Variants in MMP20 observed in about 807,000 individuals in gnomAD.
MMP20 encodes matrix metallopeptidase 20.
MMP20 carries 50 observed loss-of-function variants against 51.8 expected under a neutral mutation model. That is an observed-to-expected ratio of 0.97 (90% confidence interval 0.77 to 1.22). The LOEUF (loss-of-function observed/expected upper bound fraction) is 1.22, where lower values mean the gene tolerates loss of function less well. Ranked by LOEUF, MMP20 falls within the 50% of genes most tolerant of loss-of-function variation. MMP20 has a pLI of 0.00. For synonymous variants in MMP20, 244 were observed against 216.2 expected (o/e 1.13, Z -1.13); for missense variants, 663 against 601.4 (o/e 1.10, Z -1.07).
At chr11:102,610,336 A>G (rs571742768) in intron 3 of MMP20, among the ~76,000 whole-genome samples, 271 of 143,448 alleles carry the variant, frequency 1.9e-3, no homozygotes, top group Middle Eastern at 0.014. Flanking sequence ...CATGTGCCAC[A>G]GATTACAAAA....
intron 1 of MMP20, among the ~76,000 whole-genome samples, chr11:102,622,052 A>G (rs147581905): frequency 2.6e-5 from 4 of 152,358 alleles, no homozygotes; most frequent in African/African-American, 7.2e-5. Flanking sequence ...GGATTATGAG[A>G]ATAGGTAAGC....
At chr11:102,586,380 G>A (rs1009852692) in intron 8 of MMP20, among the ~76,000 whole-genome samples, 2 of 151,990 alleles carry the variant, frequency 1.3e-5, no homozygotes, top group African/African-American at 4.8e-5. Context: ...TTACTAGATT[G>A]TGTCTTCTTA....
At chr11:102,585,009 C>G (rs541917768) in intron 8 of MMP20, among the ~76,000 whole-genome samples, 7 of 152,222 alleles carry the variant, frequency 4.6e-5, no homozygotes, top group South Asian at 4.1e-4. Context: ...ATATCACAGT[C>G]TTAGTTACTG....
chr11:102,587,601 T>C (rs775760042), intron 8 of MMP20, among the ~76,000 whole-genome samples: 2 of 152,216 alleles, frequency 1.3e-5, no homozygotes, highest in Non-Finnish European at 2.9e-5. Flanking sequence ...TTTCTGTCAA[T>C]TACTGCTTCA....
At chr11:102,611,033 A>G (rs996658513) in intron 3 of MMP20, among the ~76,000 whole-genome samples, 4 of 152,264 alleles carry the variant, frequency 2.6e-5, no homozygotes, top group Non-Finnish European at 5.9e-5. Flanking sequence ...GGAATAGGAC[A>G]TAACCTGGGC....
chr11:102,589,908 C>T (rs923438138), intron 8 of MMP20, among the ~76,000 whole-genome samples: 48 of 152,122 alleles, frequency 3.2e-4, no homozygotes, highest in African/African-American at 1.1e-3. Context: ...ACATCTATTT[C>T]TAGTATTTCT....
At chr11:102,593,015 C>G (rs1012861637) in intron 8 of MMP20, among the ~76,000 whole-genome samples, 2 of 152,176 alleles carry the variant, frequency 1.3e-5, no homozygotes, top group Admixed American at 1.3e-4. Flanking sequence ...CAGAACTATC[C>G]TTCAAAGAGA....
At chr11:102,592,065 A>G (rs1859323632) in intron 8 of MMP20, among the ~76,000 whole-genome samples, 1 of 152,226 alleles carries the variant, frequency 6.6e-6, no homozygotes, top group South Asian at 2.1e-4. Context: ...ACGTGCTTAC[A>G]CATGCATCTC....
rs115279581 is a variant in MMP20, at chr11:102,619,532, C to T, written c.127-2473G>A. ...GCCAGTGGTGGGTTACCAAAAACTC[C>T]GTAATCAAGATAAATCATAATTTAA... On this transcript the variant is annotated intron_variant, in intron 1 of 9. Transcript: ENST00000260228. Among the ~76,000 whole-genome samples, 1,019 of 151,270 alleles carry T rather than the reference C, an allele frequency of 6.7e-3. 14 individuals are homozygous for T. The highest frequency in any genetic ancestry group is 0.024 in the African/African-American group (970 of 41,182).
chr11:102,606,149 C>G (rs1415551146), intron 6 of MMP20, among the ~76,000 whole-genome samples: 1 of 152,198 alleles, frequency 6.6e-6, no homozygotes, highest in Non-Finnish European at 1.5e-5. Context: ...AAGTGGTAAA[C>G]AAAATGGACA....
At chr11:102,623,850 G>T (rs986424357) in intron 1 of MMP20, among the ~76,000 whole-genome samples, 24 of 152,190 alleles carry the variant, frequency 1.6e-4, no homozygotes, top group Admixed American at 1.3e-4. Flanking sequence ...AATCACAGTG[G>T]CATGAGGCAG....
chr11:102,578,645 A>C (rs1448428058), intron 9 of MMP20, among the ~76,000 whole-genome samples: 1 of 152,228 alleles, frequency 6.6e-6, no homozygotes, highest in Non-Finnish European at 1.5e-5. Context: ...CTGAGGTAGG[A>C]GAATCGCTCG....
chr11:102,591,975 C>A (rs895335343), intron 8 of MMP20, among the ~76,000 whole-genome samples: 1 of 152,138 alleles, frequency 6.6e-6, no homozygotes, highest in Non-Finnish European at 1.5e-5. Context: ...GGATAATTCC[C>A]CCATTGAGAA....
At chr11:102,611,443 T>G (rs1194173451) in intron 3 of MMP20, among the ~76,000 whole-genome samples, 1 of 152,242 alleles carries the variant, frequency 6.6e-6, no homozygotes, top group African/African-American at 2.4e-5. Context: ...TGGGAATGGA[T>G]GAGGTCATGT....
rs1459490870 is a variant in MMP20, at chr11:102,606,592, C to G, written c.896G>C (p.Ser299Thr). 1.2e-6 allele frequency: 2 copies of G among 1,613,970 alleles called. No individual in the cohort carries two copies. Among genetic ancestry groups the G allele is most frequent in the African/African-American group, 2.7e-5 (2 of 74,914 alleles). The change falls in exon 6 of 10, where the codon AGC becomes ACC. Residue 299 changes from serine (S) to threonine (T), a missense_variant. Transcript: ENST00000260228. ...KPSIPDLCDS[S>T]SSFDAVTMLG... ...CATTGTCACAGCGTCAAAGGATGAG[C>G]TGGAGTCACAGAGGTCAGGGATGGA...
chr11:102,621,348 A>C (rs1419413246), intron 1 of MMP20, among the ~76,000 whole-genome samples: 2 of 152,232 alleles, frequency 1.3e-5, no homozygotes, highest in South Asian at 4.1e-4. Context: ...CATGTTCCTT[A>C]CAGTCACACA....
At chr11:102,577,770 C>T (rs1460613336) in intron 9 of MMP20, among the ~76,000 whole-genome samples, 1 of 152,230 alleles carries the variant, frequency 6.6e-6, no homozygotes, top group Non-Finnish European at 1.5e-5. Flanking sequence ...TCTTCAAAAC[C>T]CATCTGAAGT....
intron 1 of MMP20, among the ~76,000 whole-genome samples, chr11:102,624,066 A>G (rs576324325): frequency 7.2e-5 from 11 of 152,352 alleles, no homozygotes; most frequent in African/African-American, 2.4e-4. Flanking sequence ...TAAGTGTTTA[A>G]TGACTGGTAT....
chr11:102,621,690 T>C (rs1859752708), intron 1 of MMP20, among the ~76,000 whole-genome samples: 1 of 152,232 alleles, frequency 6.6e-6, no homozygotes, highest in African/African-American at 2.4e-5. Context: ...ATCTATTTGT[T>C]AAAGGAAATG....
Sources: allele counts gnomAD v4.1 joint callset (sites outside exome capture counted in the v4.1 genomes callset), GRCh38; gene constraint gnomAD v4.1.1; transcripts MANE v1.5; gene names NCBI Gene and HGNC (gene_info 2026-07-23, HGNC 2026-07-21).